BMP5: variants seen among roughly 807,000 people sequenced by gnomAD.
The protein encoded by BMP5 is bone morphogenetic protein 5.
In BMP5, 23 loss-of-function variants were observed where a neutral mutation model predicts 46.6. The observed-to-expected ratio is 0.49, with a 90% CI of 0.35 to 0.70. The LOEUF (loss-of-function observed/expected upper bound fraction) is 0.70, where lower values mean the gene tolerates loss of function less well. BMP5 is among the 30% of genes least tolerant of loss of function. The probability of loss-of-function intolerance (pLI) is 0.00; values close to 1 mark genes in which losing one functional copy is unlikely to be tolerated. For synonymous variants in BMP5, 204 were observed against 191.9 expected, an observed-to-expected ratio of 1.06 and a Z score of -0.52; for missense variants, 545 against 565.6, an observed-to-expected ratio of 0.96 and a Z score of 0.37.
intron 1 of BMP5, among the ~76,000 whole-genome samples, chr6:55,857,019 T>G (rs1222922819): frequency 6.6e-6 from 1 of 152,156 alleles, no homozygotes. Context: ...TGCCGAAGCT[T>G]TGTAAAGTTT....
At chr6:55,773,910 G>T (rs1304442069) in intron 4 of BMP5, 139 bp downstream of exon 4, 3 of 933,868 alleles carry the variant, frequency 3.2e-6, no homozygotes, top group Non-Finnish European at 5.2e-6. Context: ...AAACATTCTG[G>T]GATGCTAGAA....
At chr6:55,853,056 G>C (rs1777284641) in intron 1 of BMP5, among the ~76,000 whole-genome samples, 1 of 151,534 alleles carries the variant, frequency 6.6e-6, no homozygotes, top group Non-Finnish European at 1.5e-5. Context: ...CTTGAAACTG[G>C]GAAGCGGAGA....
chr6:55,785,499 A>C (rs1775425560), intron 3 of BMP5, among the ~76,000 whole-genome samples: 2 of 151,846 alleles, frequency 1.3e-5, no homozygotes, highest in African/African-American at 4.8e-5. Context: ...ATGTGCTTTA[A>C]GACATTACGC....
chr6:55,783,409 CTT>C (rs1342912390), intron 3 of BMP5, among the ~76,000 whole-genome samples: 1 of 151,936 alleles, frequency 6.6e-6, no homozygotes, highest in Non-Finnish European at 1.5e-5. Flanking sequence ...TCCTCTCTCT[CTT>C]ATAATCTTAT....
intron 6 of BMP5, among the ~76,000 whole-genome samples, chr6:55,755,989 C>T (rs963979618): frequency 5.9e-5 from 9 of 151,930 alleles, no homozygotes; most frequent in East Asian, 3.9e-4. Flanking sequence ...GCAACTAGCA[C>T]GTTGTTGCTT....
At chr6:55,801,107 G>A (rs1210803414) in intron 2 of BMP5, among the ~76,000 whole-genome samples, 1 of 152,130 alleles carries the variant, frequency 6.6e-6, no homozygotes, top group Non-Finnish European at 1.5e-5. Flanking sequence ...ACTCCATGGT[G>A]GTTTTATACT....
intron 3 of BMP5, among the ~76,000 whole-genome samples, chr6:55,790,543 G>C (rs1163757679): frequency 2.0e-5 from 3 of 152,104 alleles, no homozygotes; most frequent in Non-Finnish European, 4.4e-5. Context: ...TACATGATTT[G>C]TTTACAGATC....
At chr6:55,816,453 A>G (rs1776271158) in intron 2 of BMP5, among the ~76,000 whole-genome samples, 1 of 152,118 alleles carries the variant, frequency 6.6e-6, no homozygotes, top group Non-Finnish European at 1.5e-5. Flanking sequence ...TATTATTATT[A>G]TGTAACATAA....
rs141276886 is a variant in BMP5, at chr6:55,835,593, C to G, written c.491-15746G>C. 6.2e-4 allele frequency among the ~76,000 whole-genome samples: 95 copies of G among 152,300 alleles called. 1 individual carries two copies. In the East Asian group the frequency reaches 0.018, roughly 29 times the overall value. The stretch of plus-strand genomic sequence containing the variant: ...TTAACAATGCATGTTGTAGACAGTA[C>G]TGTTGTGTTTAATGCTAAGCTATGT... On this transcript the variant is annotated intron_variant, in intron 1 of 6. Coordinates refer to ENST00000370830, the MANE Select transcript of BMP5 (RefSeq NM_021073.4).
chr6:55,759,625 C>A (rs910851786), intron 5 of BMP5, among the ~76,000 whole-genome samples: 2 of 151,826 alleles, frequency 1.3e-5, no homozygotes. Flanking sequence ...AATATTTTTT[C>A]TGCATGCTGT....
In BMP5 at chr6:55,813,030, T is replaced by C. The variant is rs1281980157; in HGVS notation, c.683+6625A>G. On this transcript the variant is annotated intron_variant, in intron 2 of 6. Coordinates refer to ENST00000370830, the MANE Select transcript of BMP5 (RefSeq NM_021073.4). ...AGTTCCAAAGCAGTGGTAAATTTTT[T>C]CGAAAAATAAAAAAGATACTATTTA... Among the ~76,000 whole-genome samples the C allele has an allele frequency of 2.6e-5, 4 of 152,192 alleles. No homozygotes were observed. In the East Asian group the frequency reaches 7.7e-4, roughly 29 times the overall value.
chr6:55,778,309 G>A (rs1038534488), intron 3 of BMP5, among the ~76,000 whole-genome samples: 5 of 151,990 alleles, frequency 3.3e-5, no homozygotes, highest in Admixed American at 2.6e-4. Flanking sequence ...ACACACAAAT[G>A]GGAGGGAAGA....
chr6:55,826,456 T>C (rs1006903589), intron 1 of BMP5, among the ~76,000 whole-genome samples: 8 of 151,784 alleles, frequency 5.3e-5, no homozygotes, highest in Non-Finnish European at 1.0e-4. Context: ...ATTTTGAAAA[T>C]TAAGACATTT....
intron 3 of BMP5, among the ~76,000 whole-genome samples, chr6:55,775,048 A>G (rs1477772176): frequency 6.6e-6 from 1 of 151,960 alleles, no homozygotes; most frequent in African/African-American, 2.4e-5. Flanking sequence ...GTGAGCTTCA[A>G]GACTCAAATT....
At chr6:55,846,142 A>G (rs1345610248) in intron 1 of BMP5, among the ~76,000 whole-genome samples, 1 of 151,984 alleles carries the variant, frequency 6.6e-6, no homozygotes, top group Non-Finnish European at 1.5e-5. Context: ...TTCATTCTTC[A>G]GTTGCTAATA....
At chr6:55,834,612 A>G (rs1365626742) in intron 1 of BMP5, among the ~76,000 whole-genome samples, 8 of 152,164 alleles carry the variant, frequency 5.3e-5, no homozygotes, top group African/African-American at 1.4e-4. Flanking sequence ...ACTTTTTCAT[A>G]TGGCAGATAC....
At chr6:55,792,535 CA>C (rs78969394) in intron 3 of BMP5, among the ~76,000 whole-genome samples, 24,675 of 74,658 alleles carry the variant, frequency 0.33, 1,834 homozygotes, top group African/African-American at 0.39. Flanking sequence ...GACTCCGTCT[CA>C]AAAAAAAAAA....
intron 2 of BMP5, among the ~76,000 whole-genome samples, chr6:55,812,589 T>C (rs952689628): frequency 1.3e-5 from 2 of 152,210 alleles, no homozygotes; most frequent in African/African-American, 4.8e-5. Context: ...TGAAAACATA[T>C]ATGCATTGTC....
intron 1 of BMP5, among the ~76,000 whole-genome samples, chr6:55,850,926 T>A (rs560022199): frequency 6.6e-6 from 1 of 152,268 alleles, no homozygotes; most frequent in South Asian, 2.1e-4. Flanking sequence ...AGTGATGAAA[T>A]GTTTGTATAC....
Sources: gnomAD v4.1 joint callset for allele counts (sites outside exome capture counted in the v4.1 genomes callset) on GRCh38, gnomAD v4.1.1 for gene constraint, MANE v1.5 for transcripts, NCBI Gene and HGNC (gene_info 2026-07-23, HGNC 2026-07-21) for gene names.